Variants in TGFBR2 observed in about 807,000 individuals in gnomAD.
TGFBR2 encodes transforming growth factor beta receptor 2, also known as TGF-beta receptor type-2.
Under a neutral mutation model 49.0 loss-of-function variants are expected in TGFBR2, and 18 were observed. The ratio of observed to expected loss-of-function variants is 0.37; its 90% confidence interval spans 0.25 to 0.54. TGFBR2 has a LOEUF of 0.54. TGFBR2 is among the 20% of genes least tolerant of loss of function. The pLI is 0.85. For missense variants in TGFBR2, 525 were observed against 722.6 expected (o/e 0.73, Z 3.13); for synonymous variants, 282 against 275.9 (o/e 1.02, Z -0.22).
intron 3 of TGFBR2, among the ~76,000 whole-genome samples, chr3:30,664,748 G>A (rs1050113755): frequency 3.3e-5 from 5 of 152,194 alleles, no homozygotes. Context: ...TTCCTAAAAG[G>A]AACTTAAAAC....
intron 1 of TGFBR2, among the ~76,000 whole-genome samples, chr3:30,632,282 G>C (rs1471982402): frequency 6.6e-6 from 1 of 152,150 alleles, no homozygotes; most frequent in African/African-American, 2.4e-5. Flanking sequence ...GTGTCTCAAA[G>C]CCAAAGTAGA....
At chr3:30,639,689 A>G (rs1386138058) in intron 1 of TGFBR2, among the ~76,000 whole-genome samples, 2 of 152,226 alleles carry the variant, frequency 1.3e-5, no homozygotes, top group Admixed American at 6.5e-5. Flanking sequence ...CTTACTATGA[A>G]TATATAACAC....
chr3:30,639,986 G>A (rs1169476571), intron 1 of TGFBR2, among the ~76,000 whole-genome samples: 1 of 152,120 alleles, frequency 6.6e-6, no homozygotes, highest in African/African-American at 2.4e-5. Context: ...ATCTTATTAG[G>A]CTGCTCATCT....
intron 1 of TGFBR2, among the ~76,000 whole-genome samples, chr3:30,636,235 C>T (rs1004481337): frequency 6.6e-6 from 1 of 150,534 alleles, no homozygotes; most frequent in African/African-American, 2.4e-5. Flanking sequence ...GCCACCGCAC[C>T]CGGCCCGTAC....
At chr3:30,660,174 A>G (rs1374506458) in intron 3 of TGFBR2, among the ~76,000 whole-genome samples, 1 of 152,158 alleles carries the variant, frequency 6.6e-6, no homozygotes, top group Non-Finnish European at 1.5e-5. Flanking sequence ...TTGTTGCCTA[A>G]TTAGAGGATA....
At chr3:30,655,926 A>T (rs1698987775) in intron 3 of TGFBR2, among the ~76,000 whole-genome samples, 1 of 152,128 alleles carries the variant, frequency 6.6e-6, no homozygotes. Flanking sequence ...CAGCAGGATC[A>T]CCCGGGAGCT....
At chr3:30,645,819 CCTCTCTCT>C (rs4016205) in intron 2 of TGFBR2, among the ~76,000 whole-genome samples, 76 of 147,990 alleles carry the variant, frequency 5.1e-4, no homozygotes, top group African/African-American at 1.7e-3. Flanking sequence ...CACATTTTCT[CCTCTCTCT>C]CTCTCTCTCT....
intron 1 of TGFBR2, among the ~76,000 whole-genome samples, chr3:30,612,544 C>T (rs1698048332): frequency 6.6e-6 from 1 of 152,028 alleles, no homozygotes; most frequent in Non-Finnish European, 1.5e-5. Flanking sequence ...ACATTTGTAC[C>T]ACAGAAAATC....
At chr3:30,668,122 G>A (rs1363503976) in intron 3 of TGFBR2, among the ~76,000 whole-genome samples, 1 of 152,178 alleles carries the variant, frequency 6.6e-6, no homozygotes, top group Non-Finnish European at 1.5e-5. Context: ...GCCATAGTTT[G>A]TCAAACCTTG....
intron 1 of TGFBR2, among the ~76,000 whole-genome samples, chr3:30,641,856 C>T (rs1293818073): frequency 6.6e-6 from 1 of 151,812 alleles, no homozygotes; most frequent in Non-Finnish European, 1.5e-5. Flanking sequence ...AATTGGTGGA[C>T]CTTCTCTCTC....
chr3:30,657,860 C>T, intron 3 of TGFBR2, among the ~76,000 whole-genome samples: 1 of 152,186 alleles, frequency 6.6e-6, no homozygotes, highest in East Asian at 1.9e-4. Flanking sequence ...ATGCTGTTCA[C>T]TGCATTGTAT....
chr3:30,628,258 G>A (rs1471249458), intron 1 of TGFBR2, among the ~76,000 whole-genome samples: 1 of 151,978 alleles, frequency 6.6e-6, no homozygotes, highest in African/African-American at 2.4e-5. Flanking sequence ...ACTTCTCCTG[G>A]AAATTCTGGG....
At chr3:30,631,486 C>T (rs1351463908) in intron 1 of TGFBR2, among the ~76,000 whole-genome samples, 2 of 152,152 alleles carry the variant, frequency 1.3e-5, no homozygotes, top group East Asian at 3.9e-4. Context: ...ATCAACCTTA[C>T]ACTTTTTCAT....
intron 1 of TGFBR2, among the ~76,000 whole-genome samples, chr3:30,637,991 CTG>C (rs1410800184): frequency 6.6e-6 from 1 of 152,208 alleles, no homozygotes; most frequent in Non-Finnish European, 1.5e-5. Flanking sequence ...ACCCAGCTCA[CTG>C]TGTTATCTGA....
intron 1 of TGFBR2, among the ~76,000 whole-genome samples, chr3:30,607,548 G>A (rs1007227701): frequency 2.0e-5 from 3 of 152,108 alleles, no homozygotes; most frequent in African/African-American, 7.2e-5. Context: ...AAAGTTAGCT[G>A]GCTCCACTGA....
intron 1 of TGFBR2, among the ~76,000 whole-genome samples, chr3:30,625,930 C>A (rs556254673): frequency 6.6e-6 from 1 of 152,280 alleles, no homozygotes; most frequent in East Asian, 1.9e-4. Flanking sequence ...ATTCTCCAGT[C>A]CATGTAGCAT....
chr3:30,671,572 C>T, intron 3 of TGFBR2, 66 bp from the exon 4 acceptor site: 1 of 1,520,348 alleles, frequency 6.6e-7, no homozygotes, highest in South Asian at 1.1e-5. Context: ...AGGCATGAAC[C>T]CACTTCCTGA....
In TGFBR2 at chr3:30,691,868, C is replaced by T. The variant is rs1699715796; in HGVS notation, c.*269C>T. On this transcript the variant is annotated 3_prime_UTR_variant, in exon 7 of 7. Transcript: ENST00000295754. ...TTTTTACAATAGCCAATAACATTTG[C>T]ACTTTATTAATGCCTGTATATAAAT... is the stretch of plus-strand genomic sequence containing the variant. The T allele has an allele frequency of 6.6e-6, 3 of 454,180 alleles. No homozygotes were observed. The highest frequency in any genetic ancestry group is 3.9e-5 in the African/African-American group (2 of 51,078). The allele number at this position is 454,180 out of a possible 1,614,324, so 28.1% of individuals were successfully genotyped here.
intron 3 of TGFBR2, chr3:30,661,548 A>G (rs1264718399): frequency 5.9e-6 from 3 of 510,996 alleles, no homozygotes; most frequent in Middle Eastern, 3.2e-4. Context: ...GTAAAATCAG[A>G]CATATAGGTT....
Sources: gnomAD v4.1 joint callset for allele counts (sites outside exome capture counted in the v4.1 genomes callset) on GRCh38, gnomAD v4.1.1 for gene constraint, MANE v1.5 for transcripts, NCBI Gene and HGNC (gene_info 2026-07-23, HGNC 2026-07-21) for gene names.